The following FHL3 variants were observed in gnomAD, a reference collection of about 807,000 sequenced individuals.
The protein encoded by FHL3 is four and a half LIM domains 3.
FHL3 carries 21 observed loss-of-function variants against 34.3 expected under a neutral mutation model. That is an observed-to-expected ratio of 0.61 (90% CI 0.43 to 0.88). FHL3 has a LOEUF of 0.88. FHL3 is among the 40% of genes least tolerant of loss of function. FHL3 has a pLI of 0.00. For missense variants in FHL3, 333 were observed against 373.7 expected, an observed-to-expected ratio of 0.89 and a Z score of 0.90; for synonymous variants, 137 against 144.6, an observed-to-expected ratio of 0.95 and a Z score of 0.38.
At chr1:37,999,709 T>C (rs753134224) in intron 1 of FHL3, among the ~76,000 whole-genome samples, 38 of 152,164 alleles carry the variant, frequency 2.5e-4, no homozygotes, top group Non-Finnish European at 4.1e-4. Flanking sequence ...GGAGGGGGCT[T>C]TTCCTGGGTC....
At chr1:38,000,157 C>G (rs186252006) in intron 1 of FHL3, among the ~76,000 whole-genome samples, 79 of 152,372 alleles carry the variant, frequency 5.2e-4, no homozygotes, top group Middle Eastern at 6.8e-3. Flanking sequence ...CCCCCCACCC[C>G]CGCTGTGTCA....
chr1:37,997,116 T>G lies in FHL3; in HGVS notation c.*289A>C. On this transcript the variant is annotated 3_prime_UTR_variant, in exon 6 of 6. Coordinates refer to ENST00000373016, the MANE Select transcript of FHL3 (RefSeq NM_004468.5). This position sits in a 1 kb window ranked among gnomAD's most constrained non-coding sequence, Gnocchi z 4.3. ...GGAGGGCTCGGGTCTAGAGCCCTGA[T>G]TTGGGGAGAGGACTCAGTCTGGGAA... 252 of 332,582 alleles carry G rather than the reference T, an allele frequency of 7.6e-4. No homozygotes were observed. The highest frequency in any genetic ancestry group is 1.3e-3 in the East Asian group (21 of 15,666). The allele number at this position is 332,582 out of a possible 1,614,324, so 20.6% of individuals were successfully genotyped here. A position where few individuals can be genotyped will look rare whatever the true frequency, so the allele number is the denominator to read the frequency against.
rs1308783960 is a variant in FHL3 at position 37,997,483 on chromosome 1, A to G, written c.765T>C (p.Ser255=). Residue 255 remains serine, a synonymous_variant, in exon 6 of 6, where the codon TCT becomes TCC. Coordinates refer to ENST00000373016, the MANE Select transcript of FHL3 (RefSeq NM_004468.5). The surrounding 1 kb of genome is among the most constrained non-coding windows in gnomAD (Gnocchi z 4.3). The stretch of plus-strand genomic sequence containing the variant: ...CGAAGCCCTGGCCCACCAGGGAGGT[A>G]GAGCAGCGGGCGCAGGAGAAGCAGT... ...HHNCFSCARC[S]TSLVGQGFVP... The G allele has an allele frequency of 9.3e-6, 15 of 1,613,996 alleles. No individual in the cohort carries two copies. The highest frequency in any genetic ancestry group is 1.3e-5 in the Non-Finnish European group (15 of 1,179,942).
In FHL3 at chr1:38,003,297, TCTCA is replaced by T. The variant is rs1372411543; in HGVS notation, c.-21+2056_-21+2059del. ...TTTCTATTTTTTGTAGAGATGGGGT[TCTCA>T]CTATGTTGCCCAGGGTGGTCTTGAA... On this transcript the variant is annotated intron_variant, in intron 1 of 5. Coordinates refer to ENST00000373016, the MANE Select transcript of FHL3 (RefSeq NM_004468.5). Among the ~76,000 whole-genome samples, 8 of 152,334 alleles carry T rather than the reference TCTCA, an allele frequency of 5.3e-5. No homozygotes were observed. In the East Asian group the frequency reaches 1.4e-3, roughly 26 times the overall value.
chr1:38,001,356 C>T (rs1000454231), intron 1 of FHL3, among the ~76,000 whole-genome samples: 6 of 152,248 alleles, frequency 3.9e-5, no homozygotes, highest in African/African-American at 9.6e-5. Flanking sequence ...GGTGCCTGGG[C>T]CTCTTCCTTC....
rs60815393 is a variant in FHL3, at chr1:37,999,624, C to T, written c.-20-192G>A. Among the ~76,000 whole-genome samples, 2,040 of 152,198 alleles carry T rather than the reference C, an allele frequency of 0.013. 44 individuals carry two copies. The highest frequency in any genetic ancestry group is 0.047 in the African/African-American group (1,942 of 41,504). On this transcript the variant is annotated intron_variant, in intron 1 of 5. Transcript: ENST00000373016. The stretch of plus-strand genomic sequence containing the variant: ...CACATGTTTCTTTCTGTATTTAACT[C>T]GGGGTAGGAAGAGGTCAGGAAAAAA...
rs568848347 is a variant in FHL3, at chr1:37,998,265, C to A, written c.332-133G>T. 7.4e-5 allele frequency: 54 copies of A among 726,260 alleles called. 1 individual carries two copies. The South Asian group carries it at 9.4e-4, about 13-fold the overall frequency. The allele number at this position is 726,260 out of a possible 1,614,324, so 45.0% of individuals were successfully genotyped here. A position where few individuals can be genotyped will look rare whatever the true frequency, so the allele number is the denominator to read the frequency against. On this transcript the variant is annotated intron_variant, in intron 3 of 5. Coordinates refer to ENST00000373016, the MANE Select transcript of FHL3 (RefSeq NM_004468.5). ...GTGTCCGTGCACATGCAGCAAGAACCCCCCCGCCCTATGTATATTACACAT... is the reference window on the plus strand; with the variant it reads ...GTGTCCGTGCACATGCAGCAAGAACACCCCCGCCCTATGTATATTACACAT...
intron 1 of FHL3, 114 bp from the exon 2 acceptor site, chr1:37,999,546 A>G: frequency 1.1e-6 from 1 of 940,234 alleles, no homozygotes; most frequent in Non-Finnish European, 1.6e-6. Flanking sequence ...AGGAAATGCC[A>G]GTTCAGAGTA....
At chr1:38,002,100 A>ATT (rs11352792) in intron 1 of FHL3, among the ~76,000 whole-genome samples, 5 of 142,538 alleles carry the variant, frequency 3.5e-5, no homozygotes, top group Admixed American at 7.0e-5. Flanking sequence ...CTGGACTGGA[A>ATT]TTTTTTTTTT....
intron 3 of FHL3, 125 bp from the exon 4 acceptor site, chr1:37,998,257 G>A: frequency 1.3e-6 from 1 of 779,574 alleles, no homozygotes. Flanking sequence ...TGCACATGCA[G>A]CAAGAACCCC....
At position 37,997,366 on chromosome 1, in the gene FHL3, G is replaced by T; in HGVS notation, c.*39C>A. On this transcript the variant is annotated 3_prime_UTR_variant, in exon 6 of 6. Coordinates refer to ENST00000373016, the MANE Select transcript of FHL3 (RefSeq NM_004468.5). The surrounding 1 kb of genome is among the most constrained non-coding windows in gnomAD (Gnocchi z 4.3). ...TTTAGAAAAGGAGCCACAGTCCTGG[G>T]CCCGTGGTATGGGAAAGCCTGGGTC... 2 of 1,599,994 alleles carry T rather than the reference G, an allele frequency of 1.3e-6. No individual in the cohort carries two copies. The highest frequency in any genetic ancestry group is 2.2e-5 in the East Asian group (1 of 44,802).
chr1:38,000,884 A>T (rs1224327804), intron 1 of FHL3, among the ~76,000 whole-genome samples: 1 of 152,140 alleles, frequency 6.6e-6, no homozygotes, highest in Non-Finnish European at 1.5e-5. Context: ...GGGAAGTTAC[A>T]GGGACACACA....
Position 37,997,763 on chromosome 1 carries a change from C to A in FHL3, c.609G>T (p.Arg203=). The change falls in exon 5 of 6, where the codon CGG becomes CGT. Residue 203 remains arginine, a synonymous_variant. Coordinates refer to ENST00000373016, the MANE Select transcript of FHL3 (RefSeq NM_004468.5). The surrounding 1 kb of genome is among the most constrained non-coding windows in gnomAD (Gnocchi z 4.3). ...TPLAGQQFTS[R]DEDPYCVACF... Reference sequence around the variant, plus strand: ...AGGCCACACAGTAGGGATCTTCATCCCGGGAGGTGAACTGCTGCCCTGCCA... The same window carrying A: ...AGGCCACACAGTAGGGATCTTCATCACGGGAGGTGAACTGCTGCCCTGCCA... 6.2e-7 allele frequency: 1 copy of A among 1,614,172 alleles called. No homozygotes were observed. The highest frequency in any genetic ancestry group is 1.3e-5 in the African/African-American group (1 of 75,042).
rs535440836 is a variant in FHL3, at chr1:37,999,381, T to C, written c.32A>G (p.Asn11Ser). ...GTACTTGCGTCCATACAGGGACTCG[T>C]TGCATTTTGCACAGTCAAATGACTC... is the stretch of plus-strand genomic sequence containing the variant. MSESFDCAKC[N>S]ESLYGRKYIQ... The change falls in exon 2 of 6, where the codon AAC becomes AGC. Residue 11 changes from asparagine (N) to serine (S), a missense_variant. Transcript: ENST00000373016. The C allele has an allele frequency of 1.4e-5, 22 of 1,614,216 alleles. No individual in the cohort carries two copies. The highest frequency in any genetic ancestry group is 1.5e-5 in the Non-Finnish European group (18 of 1,180,036).
rs762067246 is a variant in FHL3 at position 37,997,462 on chromosome 1, G to C, written c.786C>G (p.Gly262=). The C allele has an allele frequency of 6.2e-7, 1 of 1,614,094 alleles. No homozygotes were observed. The highest frequency in any genetic ancestry group is 1.1e-5 in the South Asian group (1 of 91,082). Residue 262 remains glycine (G), a synonymous_variant, in exon 6 of 6, where the codon GGC becomes GGG. Transcript: ENST00000373016. The surrounding 1 kb of genome is among the most constrained non-coding windows in gnomAD (Gnocchi z 4.3). The part of the protein sequence containing the change: ...ARCSTSLVGQ[G]FVPDGDQVLC... ...GCACTTGGTCTCCATCCGGTACGAA[G>C]CCCTGGCCCACCAGGGAGGTAGAGC...
chr1:38,002,284 G>A (rs1334694297), intron 1 of FHL3, among the ~76,000 whole-genome samples: 6 of 151,972 alleles, frequency 3.9e-5, no homozygotes, highest in East Asian at 1.9e-4. Context: ...ATTTTTAGTA[G>A]AGACGGGGTT....
At position 37,998,013 on chromosome 1, in the gene FHL3, C is replaced by T. The variant is rs111280408; in HGVS notation, c.451G>A (p.Val151Met). 157 of 1,614,006 alleles carry T rather than the reference C, an allele frequency of 9.7e-5. No individual in the cohort carries two copies. Among genetic ancestry groups the T allele is most frequent in the Admixed American group, 8.3e-5 (5 of 60,006 alleles). Residue 151 changes from valine to methionine, a missense_variant, in exon 4 of 6, where the codon GTG becomes ATG. Coordinates refer to ENST00000373016, the MANE Select transcript of FHL3 (RefSeq NM_004468.5). ...GCAAACTTGTTCTCATAGCAGGGCA[C>T]GCAGTAGTGAGCACCCTTGTCGGGC... ...FVPDKGAHYC[V>M]PCYENKFAPR...
At chr1:38,000,404 T>C (rs1233539319) in intron 1 of FHL3, among the ~76,000 whole-genome samples, 1 of 152,114 alleles carries the variant, frequency 6.6e-6, no homozygotes, top group Non-Finnish European at 1.5e-5. Context: ...TCCTACTGCC[T>C]CTGGGAGAGA....
Position 37,997,489 on chromosome 1 carries a change from G to A in FHL3, c.759C>T (p.Arg253=), listed in dbSNP as rs1646546315. 1 of 1,613,958 alleles carries A rather than the reference G, an allele frequency of 6.2e-7. No individual in the cohort carries two copies. Among genetic ancestry groups the A allele is most frequent in the African/African-American group, 1.3e-5 (1 of 74,916 alleles). The part of the protein sequence containing the change: ...HWHHNCFSCA[R]CSTSLVGQGF... Reference sequence around the variant, plus strand: ...CCTGGCCCACCAGGGAGGTAGAGCAGCGGGCGCAGGAGAAGCAGTTGTGGT... The same window carrying A: ...CCTGGCCCACCAGGGAGGTAGAGCAACGGGCGCAGGAGAAGCAGTTGTGGT... Residue 253 remains arginine, a synonymous_variant, in exon 6 of 6, where the codon CGC becomes CGT. Transcript: ENST00000373016. This position sits in a 1 kb window ranked among gnomAD's most constrained non-coding sequence, Gnocchi z 4.3.
Sources: allele counts gnomAD v4.1 joint callset (sites outside exome capture counted in the v4.1 genomes callset), GRCh38; gene constraint gnomAD v4.1.1; non-coding constraint Gnocchi (gnomAD v3.1); transcripts MANE v1.5; gene names NCBI Gene and HGNC (gene_info 2026-07-23, HGNC 2026-07-21).